Variants in TIAM1 observed in about 807,000 individuals in gnomAD.
The protein encoded by TIAM1 is TIAM Rac1 associated GEF 1, also known as rho guanine nucleotide exchange factor TIAM1.
TIAM1 carries 65 observed loss-of-function variants against 163.5 expected under a neutral mutation model. The observed-to-expected ratio is 0.40, with a 90% CI of 0.33 to 0.49. The LOEUF is 0.49. TIAM1 is among the 20% of genes least tolerant of loss of function. The probability of loss-of-function intolerance (pLI) is 0.77; values close to 1 mark genes in which losing one functional copy is unlikely to be tolerated. For synonymous variants in TIAM1, 833 were observed against 810.1 expected (o/e 1.03, Z -0.48); for missense variants, 1,789 against 2,044.7 (o/e 0.87, Z 2.41).
At chr21:31,418,148 C>T (rs1441611598) in intron 2 of TIAM1, among the ~76,000 whole-genome samples, 2 of 151,924 alleles carry the variant, frequency 1.3e-5, no homozygotes, top group Admixed American at 1.3e-4. Context: ...TTGAGACCAG[C>T]CTGGCCAACA....
chr21:31,133,155 G>T (rs1478574117), intron 23 of TIAM1, among the ~76,000 whole-genome samples: 2 of 152,090 alleles, frequency 1.3e-5, no homozygotes, highest in African/African-American at 4.8e-5. Flanking sequence ...TGCTAGTTCT[G>T]CCTTGCTACT....
At chr21:31,171,676 C>A (rs1321351372) in intron 15 of TIAM1, among the ~76,000 whole-genome samples, 1 of 152,194 alleles carries the variant, frequency 6.6e-6, no homozygotes, top group Non-Finnish European at 1.5e-5. Context: ...TCTTTCATCT[C>A]TTTAAGCGCA....
chr21:31,243,845 G>C (rs1411620865), intron 6 of TIAM1, among the ~76,000 whole-genome samples: 1 of 152,178 alleles, frequency 6.6e-6, no homozygotes. Flanking sequence ...ACTGAAATAA[G>C]ATGGTCAATT....
chr21:31,558,860 T>C (rs2048989496), intron 1 of TIAM1: 1 of 151,956 alleles, frequency 6.6e-6, no homozygotes, highest in African/African-American at 2.4e-5. Context: ...GCTCCGGGCA[T>C]CCTCGCCGCC....
chr21:31,305,461 T>C (rs959554802), intron 2 of TIAM1, among the ~76,000 whole-genome samples: 159 of 152,202 alleles, frequency 1.0e-3, no homozygotes, highest in African/African-American at 3.3e-3. Context: ...TTTTTCCTTC[T>C]TTACAGGACC....
At chr21:31,386,784 G>A (rs2147186233) in intron 2 of TIAM1, among the ~76,000 whole-genome samples, 2 of 152,310 alleles carry the variant, frequency 1.3e-5, no homozygotes, top group Middle Eastern at 6.8e-3. Context: ...ACTGAAACAA[G>A]GTTTTGCTTC....
chr21:31,420,835 A>C (rs554831207), intron 2 of TIAM1, among the ~76,000 whole-genome samples: 1 of 152,198 alleles, frequency 6.6e-6, no homozygotes, highest in African/African-American at 2.4e-5. Context: ...AATTAAGATG[A>C]AGTCGGCCAG....
At position 31,242,904 on chromosome 21, in the gene TIAM1, T is replaced by C. The variant is rs189916295; in HGVS notation, c.1584+2584A>G. ...AGAAAAAAGAAAAGAAAAGAAAAAATGACCAGGTGCAGTGGCTCAGGCCTG... is the reference window on the plus strand; with the variant it reads ...AGAAAAAAGAAAAGAAAAGAAAAAACGACCAGGTGCAGTGGCTCAGGCCTG... On this transcript the variant is annotated intron_variant, in intron 6 of 27. Transcript: ENST00000541036. 3.1e-3 allele frequency among the ~76,000 whole-genome samples: 412 copies of C among 134,442 alleles called. 5 individuals carry two copies. The highest frequency in any genetic ancestry group is 0.011 in the African/African-American group (403 of 36,850). The allele number at this position is 134,442 out of a possible 152,430, so 88.2% of individuals were successfully genotyped here. A position where few individuals can be genotyped will look rare whatever the true frequency, so the allele number is the denominator to read the frequency against.
At chr21:31,514,581 T>C (rs2047318682) in intron 1 of TIAM1, among the ~76,000 whole-genome samples, 1 of 151,490 alleles carries the variant, frequency 6.6e-6, no homozygotes, top group African/African-American at 2.4e-5. Flanking sequence ...TAAACCCAGC[T>C]ACTCAGCAGG....
chr21:31,306,057 G>A (rs1335057241), intron 2 of TIAM1, among the ~76,000 whole-genome samples: 2 of 151,950 alleles, frequency 1.3e-5, no homozygotes, highest in East Asian at 3.9e-4. Context: ...CCAAATCAGG[G>A]ACAATTTGAG....
chr21:31,376,932 C>T (rs1322024626), intron 2 of TIAM1, among the ~76,000 whole-genome samples: 2 of 151,762 alleles, frequency 1.3e-5, no homozygotes, highest in African/African-American at 4.8e-5. Context: ...GATCTCAGCT[C>T]ACTGCAACCT....
intron 1 of TIAM1, among the ~76,000 whole-genome samples, chr21:31,545,620 G>T (rs1275939524): frequency 6.6e-6 from 1 of 152,148 alleles, no homozygotes; most frequent in African/African-American, 2.4e-5. Flanking sequence ...AAAAGGGGAG[G>T]CACTCAACCC....
At chr21:31,521,986 C>A in intron 1 of TIAM1, among the ~76,000 whole-genome samples, 1 of 151,966 alleles carries the variant, frequency 6.6e-6, no homozygotes, top group Admixed American at 6.5e-5. Context: ...ATTCTCCAGC[C>A]TCAGGCTCCC....
At chr21:31,514,149 A>G (rs2044888249) in intron 1 of TIAM1, among the ~76,000 whole-genome samples, 1 of 152,164 alleles carries the variant, frequency 6.6e-6, no homozygotes, top group African/African-American at 2.4e-5. Flanking sequence ...ATTGTATTTC[A>G]TGATCTAAGA....
chr21:31,308,814 G>A (rs1370892384), intron 2 of TIAM1, among the ~76,000 whole-genome samples: 15 of 152,124 alleles, frequency 9.9e-5, no homozygotes, highest in Admixed American at 7.9e-4. Context: ...AATAATGAGC[G>A]TCATTCTGTT....
intron 1 of TIAM1, among the ~76,000 whole-genome samples, chr21:31,529,038 C>T (rs2047885558): frequency 1.3e-5 from 2 of 150,860 alleles, no homozygotes; most frequent in African/African-American, 4.9e-5. Flanking sequence ...TCTCCCACCT[C>T]AGCCTCCCGA....
chr21:31,199,332 A>G (rs184826838), intron 12 of TIAM1, among the ~76,000 whole-genome samples: 1 of 152,146 alleles, frequency 6.6e-6, no homozygotes, highest in East Asian at 1.9e-4. Flanking sequence ...CAAAGCCGAC[A>G]ATGCCCTTTC....
chr21:31,412,486 T>C (rs569471810), intron 2 of TIAM1, among the ~76,000 whole-genome samples: 2 of 151,812 alleles, frequency 1.3e-5, no homozygotes, highest in African/African-American at 4.8e-5. Context: ...ATTAGATTCT[T>C]ATAAGGTGCA....
At chr21:31,549,730 G>A (rs2048618758) in intron 1 of TIAM1, among the ~76,000 whole-genome samples, 1 of 152,222 alleles carries the variant, frequency 6.6e-6, no homozygotes, top group Non-Finnish European at 1.5e-5. Flanking sequence ...GTAAAATGGT[G>A]CACCCACTTT....
Sources: allele counts gnomAD v4.1 joint callset (sites outside exome capture counted in the v4.1 genomes callset), GRCh38; gene constraint gnomAD v4.1.1; transcripts MANE v1.5; gene names NCBI Gene and HGNC (gene_info 2026-07-23, HGNC 2026-07-21).